The following SYCP1 variants were observed in gnomAD, a reference collection of about 807,000 sequenced individuals.
The protein encoded by SYCP1 is synaptonemal complex protein 1, also known as cancer/testis antigen 8.
Under a neutral mutation model 153.1 loss-of-function variants are expected in SYCP1, and 64 were observed. The ratio of observed to expected loss-of-function variants is 0.42; its 90% CI spans 0.34 to 0.51. The LOEUF (loss-of-function observed/expected upper bound fraction) is 0.51, where lower values mean the gene tolerates loss of function less well. Ranked by LOEUF, SYCP1 falls within the 20% of genes least tolerant of loss-of-function variation. The pLI, the probability that SYCP1 is intolerant of heterozygous loss-of-function variation, is 0.06. For missense variants in SYCP1, 997 were observed against 1,049.0 expected (o/e 0.95, Z 0.68); for synonymous variants, 384 against 341.8 (o/e 1.12, Z -1.36).
chr1:114,934,747 G>A (rs1330859792), intron 23 of SYCP1, among the ~76,000 whole-genome samples: 1 of 151,856 alleles, frequency 6.6e-6, no homozygotes, highest in Non-Finnish European at 1.5e-5. Flanking sequence ...AAAAAAGCAG[G>A]GGTTGCCATC....
At chr1:114,976,937 T>C (rs957544128) in intron 27 of SYCP1, among the ~76,000 whole-genome samples, 3 of 151,724 alleles carry the variant, frequency 2.0e-5, no homozygotes, top group Admixed American at 6.6e-5. Context: ...TAATACTCCC[T>C]GGAGTTGTAA....
At chr1:114,878,248 T>C (rs751096523) in intron 12 of SYCP1, 46 bp downstream of exon 12, 45 of 1,189,390 alleles carry the variant, frequency 3.8e-5, no homozygotes, top group Non-Finnish European at 5.4e-5. Context: ...TGTATTCCTC[T>C]TGTTATGTTC....
At chr1:114,961,614 A>T (rs1284374484) in intron 27 of SYCP1, among the ~76,000 whole-genome samples, 1 of 152,182 alleles carries the variant, frequency 6.6e-6, no homozygotes, top group Non-Finnish European at 1.5e-5. Flanking sequence ...ACCATTCAGG[A>T]GAAGATTATT....
At chr1:114,975,309 TTTTC>T (rs556654830) in intron 27 of SYCP1, among the ~76,000 whole-genome samples, 475 of 148,792 alleles carry the variant, frequency 3.2e-3, no homozygotes, top group Middle Eastern at 0.01. Context: ...TCACTACATA[TTTTC>T]TTTCTTATTC....
intron 27 of SYCP1, among the ~76,000 whole-genome samples, chr1:114,965,708 G>A (rs754228588): frequency 5.9e-5 from 9 of 151,428 alleles, no homozygotes; most frequent in Admixed American, 3.9e-4. Context: ...AATTGATCGC[G>A]GTGGATAAGC....
Position 114,995,190 on chromosome 1 carries a change from C to A in SYCP1, c.*171C>A. ...AGCCTAAATGTTAACTACATATTGT[C>A]TGGAAACCTGTCATTGTATTCAGAT... On this transcript the variant is annotated 3_prime_UTR_variant, in exon 32 of 32. Transcript: ENST00000369522. 1.8e-6 allele frequency: 1 copy of A among 546,066 alleles called. No homozygotes were observed. Among genetic ancestry groups the A allele is most frequent in the Non-Finnish European group, 3.0e-6 (1 of 335,054 alleles). 33.8% of individuals were successfully genotyped at this position (546,066 alleles called of 1,614,324 possible). A position where few individuals can be genotyped will look rare whatever the true frequency, so the allele number is the denominator to read the frequency against.
intron 27 of SYCP1, among the ~76,000 whole-genome samples, chr1:114,970,454 G>A (rs1262112632): frequency 6.6e-6 from 1 of 151,708 alleles, no homozygotes; most frequent in Admixed American, 6.6e-5. Flanking sequence ...TTGCTGGTGA[G>A]CTAGTGTGAT....
At chr1:114,912,385 A>G (rs552659100) in intron 18 of SYCP1, among the ~76,000 whole-genome samples, 1 of 152,108 alleles carries the variant, frequency 6.6e-6, no homozygotes, top group African/African-American at 2.4e-5. Flanking sequence ...ATCATTAAGT[A>G]GAAATAGATA....
intron 21 of SYCP1, among the ~76,000 whole-genome samples, chr1:114,924,320 A>T (rs1181112646): frequency 1.3e-5 from 2 of 152,120 alleles, no homozygotes; most frequent in Admixed American, 6.6e-5. Context: ...TGGCTAGGGG[A>T]TAGAGTAACC....
intron 23 of SYCP1, among the ~76,000 whole-genome samples, chr1:114,934,773 A>G (rs548583584): frequency 1.3e-5 from 2 of 152,170 alleles, no homozygotes; most frequent in African/African-American, 2.4e-5. Flanking sequence ...CTCTGATAAA[A>G]CAGACTTTAA....
chr1:114,939,733 A>G (rs911490557), intron 23 of SYCP1, among the ~76,000 whole-genome samples: 4 of 152,288 alleles, frequency 2.6e-5, no homozygotes, highest in Admixed American at 1.3e-4. Flanking sequence ...CAATTTGTCA[A>G]AGCTTATTAA....
intron 28 of SYCP1, among the ~76,000 whole-genome samples, chr1:114,979,211 G>T (rs1452014413): frequency 2.7e-5 from 4 of 150,470 alleles, no homozygotes; most frequent in African/African-American, 9.8e-5. Context: ...ACGTTTCTGA[G>T]TTTGGACAAG....
At chr1:114,929,859 T>C (rs1669513611) in intron 23 of SYCP1, among the ~76,000 whole-genome samples, 1 of 152,090 alleles carries the variant, frequency 6.6e-6, no homozygotes, top group Non-Finnish European at 1.5e-5. Context: ...TTGATTTAAA[T>C]GATATTTATA....
At chr1:114,879,398 A>C (rs1665758417) in intron 12 of SYCP1, among the ~76,000 whole-genome samples, 1 of 152,168 alleles carries the variant, frequency 6.6e-6, no homozygotes, top group African/African-American at 2.4e-5. Context: ...ATATATTGAA[A>C]TAATTTAACT....
At chr1:114,937,395 C>G (rs1476505836) in intron 23 of SYCP1, among the ~76,000 whole-genome samples, 1 of 152,124 alleles carries the variant, frequency 6.6e-6, no homozygotes, top group African/African-American at 2.4e-5. Flanking sequence ...AAAATTAATT[C>G]AAGATGGATT....
intron 20 of SYCP1, among the ~76,000 whole-genome samples, chr1:114,915,076 G>GA (rs1337904022): frequency 7.3e-5 from 10 of 137,692 alleles, no homozygotes; most frequent in Non-Finnish European, 9.6e-5. Flanking sequence ...AAAGAAAGAA[G>GA]AAAAAAAACT....
chr1:114,952,004 GT>G (rs1338828193), intron 27 of SYCP1, among the ~76,000 whole-genome samples: 2 of 152,032 alleles, frequency 1.3e-5, no homozygotes, highest in African/African-American at 2.4e-5. Context: ...CTTTTTTTTA[GT>G]TTTTATTGCC....
chr1:114,919,793 G>T (rs1279887555), intron 20 of SYCP1, among the ~76,000 whole-genome samples: 4 of 151,910 alleles, frequency 2.6e-5, no homozygotes, highest in African/African-American at 9.7e-5. Flanking sequence ...ATGTGTAGTT[G>T]CTTAGAGTAG....
At chr1:114,876,695 A>G (rs781687323) in intron 10 of SYCP1, 42 bp from the exon 11 acceptor site, 11 of 1,039,264 alleles carry the variant, frequency 1.1e-5, no homozygotes, top group Non-Finnish European at 1.3e-5. Context: ...ATGTTATAAA[A>G]TTATGTTATG....
Sources: gnomAD v4.1 joint callset for allele counts (sites outside exome capture counted in the v4.1 genomes callset) on GRCh38, gnomAD v4.1.1 for gene constraint, MANE v1.5 for transcripts, NCBI Gene and HGNC (gene_info 2026-07-23, HGNC 2026-07-21) for gene names.